WWP2: variants seen among roughly 807,000 people sequenced by gnomAD.
The protein encoded by WWP2 is WW domain containing E3 ubiquitin protein ligase 2.
WWP2 carries 57 observed loss-of-function variants against 121.0 expected under a neutral mutation model. That is an observed-to-expected ratio of 0.47 (90% CI 0.38 to 0.59). The LOEUF (loss-of-function observed/expected upper bound fraction) is 0.59, where lower values mean the gene tolerates loss of function less well. Ranked by LOEUF, WWP2 falls within the 20% of genes least tolerant of loss-of-function variation. WWP2 has a pLI of 0.00. For missense variants in WWP2, 962 were observed against 1,158.9 expected (o/e 0.83, Z 2.47); for synonymous variants, 449 against 441.3 (o/e 1.02, Z -0.22).
chr16:69,880,763 C>T (rs1475864320), intron 7 of WWP2, among the ~76,000 whole-genome samples: 4 of 152,166 alleles, frequency 2.6e-5, no homozygotes, highest in African/African-American at 9.7e-5. Flanking sequence ...GTGAAAGACA[C>T]CAACTGCTTT....
chr16:69,931,396 C>T (rs8051682), intron 14 of WWP2, 113 bp from the exon 15 acceptor site: 17 of 1,492,308 alleles, frequency 1.1e-5, no homozygotes, highest in Non-Finnish European at 1.5e-5. Context: ...ATTCCTAGGG[C>T]ACATGCTATT....
At chr16:69,902,728 A>T (rs2058224359) in intron 8 of WWP2, among the ~76,000 whole-genome samples, 1 of 152,202 alleles carries the variant, frequency 6.6e-6, no homozygotes, top group African/African-American at 2.4e-5. Context: ...TGAAAAATTG[A>T]TACCAGTGTC....
chr16:69,866,399 A>G (rs2057525884), intron 6 of WWP2, among the ~76,000 whole-genome samples: 1 of 152,028 alleles, frequency 6.6e-6, no homozygotes, highest in Admixed American at 6.6e-5. Flanking sequence ...CTGGGATTAC[A>G]GGCATGAGCC....
At chr16:69,815,484 TA>T (rs34598258) in intron 4 of WWP2, among the ~76,000 whole-genome samples, 1,398 of 138,726 alleles carry the variant, frequency 0.01, 2 homozygotes, top group Non-Finnish European at 0.014. Context: ...CCTGTCTCTT[TA>T]AAAAAAAAAA....
chr16:69,907,327 C>T (rs1030521097), intron 8 of WWP2, among the ~76,000 whole-genome samples: 3 of 152,130 alleles, frequency 2.0e-5, no homozygotes, highest in Admixed American at 6.6e-5. Flanking sequence ...GACAAAATCA[C>T]GCATAAGCAA....
Position 69,934,097 on chromosome 16 carries a change from T to A in WWP2, c.1810T>A (p.Tyr604Asn). Reference protein sequence around the residue: ...ASSINPDHLTYFRFIGRFIAM... With the variant: ...ASSINPDHLTNFRFIGRFIAM... ...CTCCATCAACCCGGACCACCTCACCTACTTTCGCTTTATAGGCAGATTCAT... is the reference window on the plus strand; with the variant it reads ...CTCCATCAACCCGGACCACCTCACCAACTTTCGCTTTATAGGCAGATTCAT... The change falls in exon 17 of 24, where the codon TAC becomes AAC. Residue 604 changes from tyrosine (Y) to asparagine (N), a missense_variant. By Grantham distance (143) the Tyr-to-Asn change is moderately radical (BLOSUM62 -2). This residue lies in a region of WWP2 where 606 missense variants were observed against 772.6 expected (regional missense o/e 0.78). Transcript: ENST00000359154. The A allele has an allele frequency of 6.2e-7, 1 of 1,614,188 alleles. No homozygotes were observed.
At chr16:69,838,937 AT>A (rs1260070728) in intron 4 of WWP2, 24 of 961,186 alleles carry the variant, frequency 2.5e-5, no homozygotes, top group Non-Finnish European at 2.9e-5. Context: ...TTGATCCAGA[AT>A]TTTCTGCTAA....
chr16:69,781,230 G>A (rs576641657), intron 1 of WWP2, among the ~76,000 whole-genome samples: 2 of 152,120 alleles, frequency 1.3e-5, no homozygotes, highest in African/African-American at 4.8e-5. Flanking sequence ...CATGATGAGG[G>A]TGGGGGGATA....
intron 6 of WWP2, among the ~76,000 whole-genome samples, chr16:69,846,070 A>AAAAAAAAAAAAAAAAAAAAAAAC (rs58504050): frequency 6.7e-6 from 1 of 149,652 alleles, no homozygotes; most frequent in African/African-American, 2.5e-5. Context: ...AAAAAAAAAA[A>AAAAAAAAAAAAAAAAAAAAAAAC]GAATACTTAT....
chr16:69,935,790 A>C lies in WWP2; in HGVS notation c.1843-63A>C. ...AGCAGAGTTTGATACCGAGCATCTG[A>C]GAGCTGGTCTTGGCAGTGCCCAGGG... On this transcript the variant is annotated intron_variant, in intron 17 of 23. Transcript: ENST00000359154. This position sits in a 1 kb window ranked among gnomAD's most constrained non-coding sequence, Gnocchi z 5.2. 6.5e-7 allele frequency: 1 copy of C among 1,549,936 alleles called. No homozygotes were observed. The highest frequency in any genetic ancestry group is 8.7e-7 in the Non-Finnish European group (1 of 1,151,530).
chr16:69,790,927 A>G (rs1170986045), intron 2 of WWP2, among the ~76,000 whole-genome samples: 2 of 152,020 alleles, frequency 1.3e-5, no homozygotes, highest in South Asian at 2.1e-4. Context: ...TTTCCTATGG[A>G]TTGCCTGTTC....
At chr16:69,804,542 G>A (rs537383354) in intron 4 of WWP2, among the ~76,000 whole-genome samples, 2 of 152,196 alleles carry the variant, frequency 1.3e-5, no homozygotes, top group South Asian at 2.1e-4. Context: ...TGAATCCATC[G>A]TTTTATTAGC....
At chr16:69,927,705 G>C (rs2058659420) in intron 11 of WWP2, among the ~76,000 whole-genome samples, 1 of 152,230 alleles carries the variant, frequency 6.6e-6, no homozygotes, top group South Asian at 2.1e-4. Context: ...TCGGGGCTGG[G>C]AGCAGCCCCT....
At chr16:69,932,961 C>T in intron 16 of WWP2, 1 of 462,446 alleles carries the variant, frequency 2.2e-6, no homozygotes, top group Non-Finnish European at 4.5e-6. Flanking sequence ...TGCTTCTGGT[C>T]CTCTGTTCGG....
intron 1 of WWP2, among the ~76,000 whole-genome samples, chr16:69,764,182 T>C (rs1191088433): frequency 6.6e-6 from 1 of 152,182 alleles, no homozygotes; most frequent in Non-Finnish European, 1.5e-5. Context: ...TTTTCATTTA[T>C]TGACACAATA....
rs111467709 is a variant in WWP2 at position 69,929,540 on chromosome 16, G to T, written c.1316+11G>T. On this transcript the variant is annotated intron_variant, in intron 12 of 23. Coordinates refer to ENST00000359154, the MANE Select transcript of WWP2 (RefSeq NM_001270454.2). ...TCCCCGGACCCAGGGGTAAGGACTTGGGCTGAGAGGGGGGCCGGGCTGGGC... is the reference window on the plus strand; with the variant it reads ...TCCCCGGACCCAGGGGTAAGGACTTTGGCTGAGAGGGGGGCCGGGCTGGGC... 356 of 1,613,578 alleles carry T rather than the reference G, an allele frequency of 2.2e-4. 6 individuals carry two copies. In the African/African-American group the frequency reaches 3.7e-3, roughly 17 times the overall value.
intron 8 of WWP2, among the ~76,000 whole-genome samples, chr16:69,900,368 C>T (rs759168746): frequency 6.6e-6 from 1 of 152,114 alleles, no homozygotes; most frequent in East Asian, 1.9e-4. Flanking sequence ...TGGCTCACGC[C>T]TGTAATCCCA....
chr16:69,904,519 C>T (rs938508727), intron 8 of WWP2, among the ~76,000 whole-genome samples: 14 of 151,878 alleles, frequency 9.2e-5, no homozygotes, highest in Admixed American at 8.5e-4. Context: ...CAGGTATGTG[C>T]CAGCACATCT....
Position 69,930,185 on chromosome 16 carries a change from G to A in WWP2, c.1372G>A (p.Gly458Arg). 1 of 1,613,988 alleles carries A rather than the reference G, an allele frequency of 6.2e-7. No homozygotes were observed. Among genetic ancestry groups the A allele is most frequent in the Non-Finnish European group, 8.5e-7 (1 of 1,179,934 alleles). The change falls in exon 13 of 24, where the codon GGG (glycine) becomes AGG (arginine). Residue 458 changes from glycine to arginine, a missense_variant. Transcript: ENST00000359154. ...PGWEMKYTSE[G>R]VRYFVDHNTR... ...ATGGGAGATGAAATACACCAGCGAG[G>A]GGGTGCGATACTTTGTGGACCACAA...
Sources: allele counts gnomAD v4.1 joint callset (sites outside exome capture counted in the v4.1 genomes callset), GRCh38; gene constraint gnomAD v4.1.1; regional missense constraint gnomAD v4.1.1; non-coding constraint Gnocchi (gnomAD v3.1); transcripts MANE v1.5; gene names NCBI Gene and HGNC (gene_info 2026-07-23, HGNC 2026-07-21).